PROS1: variants seen among roughly 807,000 people sequenced by gnomAD.
PROS1 encodes vitamin K-dependent protein S.
A neutral mutation model predicts 75.9 loss-of-function variants in PROS1; 29 were observed. The ratio of observed to expected loss-of-function variants is 0.38; its 90% CI spans 0.28 to 0.52. PROS1 has a LOEUF of 0.52. Ranked by LOEUF, PROS1 falls within the 20% of genes least tolerant of loss-of-function variation. The pLI, the probability that PROS1 is intolerant of heterozygous loss-of-function variation, is 0.83. For missense variants in PROS1, 680 were observed against 810.3 expected, an observed-to-expected ratio of 0.84 and a Z score of 1.95; for synonymous variants, 245 against 280.6, an observed-to-expected ratio of 0.87 and a Z score of 1.27.
intron 12 of PROS1, among the ~76,000 whole-genome samples, chr3:93,881,742 T>C (rs1243246368): frequency 1.3e-5 from 2 of 152,044 alleles, no homozygotes; most frequent in Admixed American, 6.6e-5. Flanking sequence ...GTATTTTTTG[T>C]GAAGATAGGG....
At chr3:93,920,567 C>T (rs1237221904) in intron 3 of PROS1, among the ~76,000 whole-genome samples, 1 of 152,080 alleles carries the variant, frequency 6.6e-6, no homozygotes, top group African/African-American at 2.4e-5. Flanking sequence ...TCTATGGATT[C>T]TATTTTTTTC....
Position 93,881,089 on chromosome 3 carries a change from G to C in PROS1, c.1493-1775C>G, listed in dbSNP as rs1228166167. 2.0e-5 allele frequency among the ~76,000 whole-genome samples: 3 copies of C among 152,210 alleles called. No homozygotes were observed. The East Asian group carries it at 5.8e-4, about 29-fold the overall frequency. On this transcript the variant is annotated intron_variant, in intron 12 of 14. Transcript: ENST00000394236. Reference sequence around the variant, plus strand: ...CCTGTAACACCAGCACTGGGAGGCTGAGGCAGGAGTATCACTTGAGTTAAG... The same window carrying C: ...CCTGTAACACCAGCACTGGGAGGCTCAGGCAGGAGTATCACTTGAGTTAAG...
intron 10 of PROS1, among the ~76,000 whole-genome samples, chr3:93,886,910 CTT>C (rs1297839394): frequency 1.2e-4 from 16 of 130,550 alleles, no homozygotes; most frequent in African/African-American, 5.6e-5. Flanking sequence ...TAAATAAGTT[CTT>C]TTTTTTTTTT....
At chr3:93,920,281 T>G (rs1708927814) in intron 3 of PROS1, among the ~76,000 whole-genome samples, 1 of 152,132 alleles carries the variant, frequency 6.6e-6, no homozygotes, top group Non-Finnish European at 1.5e-5. Flanking sequence ...TGAGGAGAAC[T>G]GATCACTGTA....
chr3:93,912,838 C>T lies in PROS1; in HGVS notation c.260-2133G>A, dbSNP rs185502983. On this transcript the variant is annotated intron_variant, in intron 3 of 14. Transcript: ENST00000394236. ...TGGAGCCTTAATGACCTAAACACCT[C>T]CCATTAGGCCCCACCTCCCAACACT... Among the ~76,000 whole-genome samples the T allele has an allele frequency of 1.3e-3, 192 of 152,276 alleles. 1 individual carries two copies. In the Middle Eastern group the frequency reaches 0.027, roughly 22 times the overall value.
chr3:93,954,447 A>T lies in PROS1; in HGVS notation c.76+19227T>A, dbSNP rs550834472. Among the ~76,000 whole-genome samples the T allele has an allele frequency of 2.0e-5, 3 of 152,322 alleles. No individual in the cohort carries two copies. The South Asian group carries it at 6.2e-4, about 32-fold the overall frequency. ...CACATCTACAACCACCTGATCTTTG[A>T]CAAACCTGACAAAAACAAGAAATGG... is the stretch of plus-strand genomic sequence containing the variant. On this transcript the variant is annotated intron_variant, in intron 1 of 14. Transcript: ENST00000394236.
In PROS1 at chr3:93,873,646, T is replaced by C. The variant is rs1708140496; in HGVS notation, c.*599A>G. Reference sequence around the variant, plus strand: ...TTCCTGTGCTGCTCTCAGGAAAATATGTCCCACTTGTTTTCTAATTCAATA... The same window carrying C: ...TTCCTGTGCTGCTCTCAGGAAAATACGTCCCACTTGTTTTCTAATTCAATA... On this transcript the variant is annotated 3_prime_UTR_variant, in exon 15 of 15. Transcript: ENST00000394236. 1 of 153,046 alleles carries C rather than the reference T, an allele frequency of 6.5e-6. No individual in the cohort carries two copies. Among genetic ancestry groups the C allele is most frequent in the African/African-American group, 2.4e-5 (1 of 41,454 alleles). 9.5% of individuals were successfully genotyped at this position (153,046 alleles called of 1,614,324 possible). A position where few individuals can be genotyped will look rare whatever the true frequency, so the allele number is the denominator to read the frequency against.
intron 1 of PROS1, among the ~76,000 whole-genome samples, chr3:93,945,588 G>C (rs1709377851): frequency 6.6e-6 from 1 of 152,104 alleles, no homozygotes; most frequent in Non-Finnish European, 1.5e-5. Flanking sequence ...ATGCAGAAAA[G>C]GCCTTCAGCA....
At chr3:93,971,101 GGAGGCT>G (rs1406927715) in intron 1 of PROS1, among the ~76,000 whole-genome samples, 1 of 152,074 alleles carries the variant, frequency 6.6e-6, no homozygotes, top group South Asian at 2.1e-4. Flanking sequence ...CAGCACTTTG[GGAGGCT>G]GAGGTGGGCA....
chr3:93,897,514 A>C (rs1208964776), intron 8 of PROS1, among the ~76,000 whole-genome samples: 1 of 152,084 alleles, frequency 6.6e-6, no homozygotes, highest in Admixed American at 6.6e-5. Context: ...TAAAGGACTA[A>C]ATTACAAAAT....
chr3:93,960,727 GTTA>G (rs772459503), intron 1 of PROS1, among the ~76,000 whole-genome samples: 1 of 151,666 alleles, frequency 6.6e-6, no homozygotes, highest in Non-Finnish European at 1.5e-5. Flanking sequence ...GGATTAATGT[GTTA>G]TCACTTCATA....
Position 93,910,719 on chromosome 3 carries a change from C to A in PROS1, c.260-14G>T. 1 of 1,596,350 alleles carries A rather than the reference C, an allele frequency of 6.3e-7. No homozygotes were observed. The highest frequency in any genetic ancestry group is 8.6e-7 in the Non-Finnish European group (1 of 1,166,154). Reference sequence around the variant, plus strand: ...AGCGAAGACAAACTGAAAATAAAAACAAACATAATCTTCTTAGAGTAGACA... The same window carrying A: ...AGCGAAGACAAACTGAAAATAAAAAAAAACATAATCTTCTTAGAGTAGACA... On this transcript the variant is annotated splice_polypyrimidine_tract_variant and intron_variant, in intron 3 of 14. Transcript: ENST00000394236.
chr3:93,953,265 CACA>C, intron 1 of PROS1, among the ~76,000 whole-genome samples: 1 of 152,208 alleles, frequency 6.6e-6, no homozygotes. Flanking sequence ...CTGGCAGAGA[CACA>C]ACAACAAAAA....
At chr3:93,909,309 C>G (rs1708722121) in intron 4 of PROS1, among the ~76,000 whole-genome samples, 1 of 151,784 alleles carries the variant, frequency 6.6e-6, no homozygotes, top group African/African-American at 2.4e-5. Context: ...ATGATATGTG[C>G]CTATAGTTCC....
intron 3 of PROS1, among the ~76,000 whole-genome samples, chr3:93,923,578 T>C (rs1395741209): frequency 6.6e-6 from 1 of 152,186 alleles, no homozygotes; most frequent in Admixed American, 6.5e-5. Flanking sequence ...TTTTCATGGA[T>C]ATATCCATAT....
At chr3:93,914,604 T>C (rs1708812433) in intron 3 of PROS1, among the ~76,000 whole-genome samples, 4 of 152,182 alleles carry the variant, frequency 2.6e-5, no homozygotes, top group Admixed American at 2.6e-4. Flanking sequence ...CAAAAATCTC[T>C]CAAATGTCTT....
At chr3:93,876,433 A>G (rs1020307899) in intron 14 of PROS1, among the ~76,000 whole-genome samples, 21 of 152,092 alleles carry the variant, frequency 1.4e-4, no homozygotes, top group African/African-American at 4.6e-4. Context: ...CTAAAAATAC[A>G]AAAAGATTAG....
At chr3:93,951,692 G>A (rs1318672580) in intron 1 of PROS1, among the ~76,000 whole-genome samples, 2 of 152,100 alleles carry the variant, frequency 1.3e-5, no homozygotes, top group African/African-American at 4.8e-5. Flanking sequence ...ATCAGCTAAC[G>A]AGCAAAATAA....
chr3:93,933,946 G>A (rs1357167969), intron 1 of PROS1, among the ~76,000 whole-genome samples: 1 of 149,550 alleles, frequency 6.7e-6, no homozygotes, highest in Non-Finnish European at 1.5e-5. Flanking sequence ...GAGGCGGAGG[G>A]TGCAGTGAGC....
Sources: allele counts gnomAD v4.1 joint callset (sites outside exome capture counted in the v4.1 genomes callset), GRCh38; gene constraint gnomAD v4.1.1; transcripts MANE v1.5; gene names NCBI Gene and HGNC (gene_info 2026-07-23, HGNC 2026-07-21).